NFXL1: variants seen among roughly 807,000 people sequenced by gnomAD.
NFXL1 encodes nuclear transcription factor, X-box binding like 1, also known as NF-X1-type zinc finger protein NFXL1.
Under a neutral mutation model 123.3 loss-of-function variants are expected in NFXL1, and 66 were observed. The observed-to-expected ratio is 0.54, with a 90% CI of 0.44 to 0.66. The LOEUF is 0.66. Among genes scored for constraint, NFXL1 ranks in the 30% least tolerant of loss-of-function variants. The probability of loss-of-function intolerance (pLI) is 0.00; values close to 1 mark genes in which losing one functional copy is unlikely to be tolerated. For synonymous variants in NFXL1, 346 were observed against 360.8 expected (o/e 0.96, Z 0.46); for missense variants, 944 against 1,125.6 (o/e 0.84, Z 2.31).
At chr4:47,913,490 T>C (rs937784046) in intron 2 of NFXL1, among the ~76,000 whole-genome samples, 1 of 152,178 alleles carries the variant, frequency 6.6e-6, no homozygotes, top group Non-Finnish European at 1.5e-5. Context: ...AGAGAGAATG[T>C]GAGATGGAAT....
chr4:47,866,347 C>G (rs1398094623), intron 18 of NFXL1, among the ~76,000 whole-genome samples: 1 of 152,184 alleles, frequency 6.6e-6, no homozygotes, highest in East Asian at 1.9e-4. Flanking sequence ...CAGTACCACC[C>G]TCAAACGCCA....
At position 47,859,841 on chromosome 4, in the gene NFXL1, CAAAAAAAAAAAAA is replaced by C. The variant is rs938207203; in HGVS notation, c.2316+2992_2316+3004del. Among the ~76,000 whole-genome samples the C allele has an allele frequency of 9.1e-4, 13 of 14,314 alleles. No homozygotes were observed. The Admixed American group carries it at 0.012, about 13-fold the overall frequency. The allele number at this position is 14,314 out of a possible 152,430, so 9.4% of individuals were successfully genotyped here. ...CAGGCAACAGAGTGAGACTCCATCT[CAAAAAAAAAAAAA>C]AAAAAAAAAAAAAAAACAAACAAAC... On this transcript the variant is annotated intron_variant, in intron 19 of 22. Coordinates refer to ENST00000507489, the MANE Select transcript of NFXL1 (RefSeq NM_001278624.2).
chr4:47,849,944 T>C (rs1435531888), intron 22 of NFXL1, among the ~76,000 whole-genome samples: 6 of 110,902 alleles, frequency 5.4e-5, no homozygotes, highest in Non-Finnish European at 1.1e-4. Flanking sequence ...TTAAAATGCG[T>C]ATTATTTATT....
At chr4:47,884,998 G>T (rs1736338112) in intron 14 of NFXL1, among the ~76,000 whole-genome samples, 1 of 151,542 alleles carries the variant, frequency 6.6e-6, no homozygotes, top group Non-Finnish European at 1.5e-5. Context: ...ATGGTAGCAG[G>T]CACCTATAAT....
At chr4:47,898,727 A>G (rs879145704) in intron 8 of NFXL1, 30 bp downstream of exon 8, 8,403 of 758,802 alleles carry the variant, frequency 0.011, no homozygotes, top group Non-Finnish European at 0.018. Context: ...ACTCTTTAAT[A>G]CCCACCCCTC....
At chr4:47,883,334 G>A (rs976272873) in intron 15 of NFXL1, among the ~76,000 whole-genome samples, 3 of 151,774 alleles carry the variant, frequency 2.0e-5, no homozygotes, top group South Asian at 2.1e-4. Flanking sequence ...CAACATTTTC[G>A]TGCCTATGAA....
chr4:47,851,174 T>C (rs373296634), intron 21 of NFXL1, 26 bp from the exon 22 acceptor site: 3 of 1,550,970 alleles, frequency 1.9e-6, no homozygotes, highest in Non-Finnish European at 2.7e-6. Flanking sequence ...CAAAAGTCAA[T>C]TTACAATTTA....
chr4:47,902,928 T>G (rs535189156), intron 5 of NFXL1, among the ~76,000 whole-genome samples: 13 of 152,148 alleles, frequency 8.5e-5, no homozygotes, highest in Admixed American at 7.9e-4. Context: ...TTTTTTGGGG[T>G]GGGTCACCTG....
Position 47,914,216 on chromosome 4 carries a change from G to T in NFXL1, c.-2-11C>A, listed in dbSNP as rs77518238. The stretch of plus-strand genomic sequence containing the variant: ...AGGAAGCTTCCATCCCTGCAAAGGA[G>T]AAAAAAAAAAAAAAGAGTGGAAGGA... On this transcript the variant is annotated splice_polypyrimidine_tract_variant and intron_variant, in intron 1 of 22. Transcript: ENST00000507489. 5.1e-6 allele frequency: 6 copies of T among 1,182,730 alleles called. No homozygotes were observed. Among genetic ancestry groups the T allele is most frequent in the South Asian group, 1.8e-5 (1 of 56,376 alleles). 73.3% of individuals were successfully genotyped at this position (1,182,730 alleles called of 1,614,324 possible).
At chr4:47,852,178 T>TTAC (rs1221820066) in intron 20 of NFXL1, 6 of 429,938 alleles carry the variant, frequency 1.4e-5, no homozygotes, top group African/African-American at 1.2e-4. Context: ...AACTTAATAA[T>TTAC]TACTATGTGC....
chr4:47,855,753 C>G (rs1483348547), intron 19 of NFXL1, among the ~76,000 whole-genome samples: 4 of 152,060 alleles, frequency 2.6e-5, no homozygotes, highest in African/African-American at 7.2e-5. Context: ...AACATTTACC[C>G]TTTCTACTAA....
At position 47,851,883 on chromosome 4, in the gene NFXL1, G is replaced by A. The variant is rs749138143; in HGVS notation, c.2481C>T (p.Cys827=). 2 of 1,609,340 alleles carry A rather than the reference G, an allele frequency of 1.2e-6. No homozygotes were observed. Among genetic ancestry groups the A allele is most frequent in the Non-Finnish European group, 1.7e-6 (2 of 1,176,354 alleles). ...NQVSIECDTT[C]KEMKRKASEI... ...CAGATGCTTTCCGCTTCATTTCCTT[G>A]CACGTTGTGTCACATTCTATTGAAA... is the stretch of plus-strand genomic sequence containing the variant. The change falls in exon 21 of 23, where the codon TGC becomes TGT. Residue 827 remains cysteine, a synonymous_variant. Coordinates refer to ENST00000507489, the MANE Select transcript of NFXL1 (RefSeq NM_001278624.2).
intron 18 of NFXL1, among the ~76,000 whole-genome samples, chr4:47,874,867 T>A (rs1436002171): frequency 6.6e-6 from 1 of 152,150 alleles, no homozygotes; most frequent in African/African-American, 2.4e-5. Context: ...AAATTTTTTT[T>A]AAAAGCAGTG....
intron 4 of NFXL1, among the ~76,000 whole-genome samples, chr4:47,904,477 C>T (rs1454948325): frequency 6.6e-6 from 1 of 152,188 alleles, no homozygotes; most frequent in Non-Finnish European, 1.5e-5. Flanking sequence ...CAGCTGAAAT[C>T]AGAGTAAACC....
chr4:47,890,592 A>G, intron 12 of NFXL1, 21 bp downstream of exon 12: 3 of 1,282,594 alleles, frequency 2.3e-6, no homozygotes, highest in Admixed American at 1.7e-5. Context: ...ACATAAAATC[A>G]TAGCTATTAT....
At chr4:47,877,422 T>TA (rs1735819810) in intron 17 of NFXL1, among the ~76,000 whole-genome samples, 1 of 152,064 alleles carries the variant, frequency 6.6e-6, no homozygotes, top group Non-Finnish European at 1.5e-5. Flanking sequence ...CAGGAAGCAA[T>TA]TTGGGGATAA....
Position 47,855,130 on chromosome 4 carries a change from G to A in NFXL1, c.2350C>T (p.His784Tyr), listed in dbSNP as rs751585404. 6.3e-7 allele frequency: 1 copy of A among 1,588,190 alleles called. No homozygotes were observed. Among genetic ancestry groups the A allele is most frequent in the South Asian group, 1.1e-5 (1 of 88,504 alleles). Residue 784 changes from histidine to tyrosine, a missense_variant, in exon 20 of 23, where the codon CAT becomes TAT. Transcript: ENST00000507489. ...CAGTTAAAGGGACATTCACCAGGATGACACATCTCTTTGCATCTATGACCA... is the reference window on the plus strand; with the variant it reads ...CAGTTAAAGGGACATTCACCAGGATAACACATCTCTTTGCATCTATGACCA... ...PCGHRCKEMC[H>Y]PGECPFNCNQ...
chr4:47,858,271 A>C (rs1577988044), intron 19 of NFXL1, among the ~76,000 whole-genome samples: 1 of 152,262 alleles, frequency 6.6e-6, no homozygotes. Flanking sequence ...GGGAAGTTGA[A>C]AAACTTTCTG....
chr4:47,893,522 T>C (rs1462709251), intron 11 of NFXL1, among the ~76,000 whole-genome samples: 1 of 151,836 alleles, frequency 6.6e-6, no homozygotes, highest in Non-Finnish European at 1.5e-5. Flanking sequence ...TTGGAAAAAA[T>C]GCAAGCTAAA....
Sources: gnomAD v4.1 joint callset for allele counts (sites outside exome capture counted in the v4.1 genomes callset) on GRCh38, gnomAD v4.1.1 for gene constraint, MANE v1.5 for transcripts, NCBI Gene and HGNC (gene_info 2026-07-23, HGNC 2026-07-21) for gene names.